Variants in NRG3 observed in about 807,000 individuals in gnomAD.
NRG3 encodes neuregulin 3.
Under a neutral mutation model 66.9 loss-of-function variants are expected in NRG3, and 31 were observed. The observed-to-expected ratio is 0.46, with a 90% CI of 0.35 to 0.63. The LOEUF (loss-of-function observed/expected upper bound fraction) is 0.63, where lower values mean the gene tolerates loss of function less well. Among genes scored for constraint, NRG3 ranks in the 20% least tolerant of loss-of-function variants. The pLI is 0.00. For synonymous variants in NRG3, 393 were observed against 359.4 expected (o/e 1.09, Z -1.06); for missense variants, 910 against 878.9 (o/e 1.04, Z -0.45).
chr10:82,347,094 C>T (rs1183627177), intron 1 of NRG3, among the ~76,000 whole-genome samples: 1 of 149,138 alleles, frequency 6.7e-6, no homozygotes, highest in Admixed American at 6.7e-5. Flanking sequence ...TTAGTTATTT[C>T]TTGCCTTCTG....
chr10:82,084,273 A>G (rs1044109304), intron 1 of NRG3, among the ~76,000 whole-genome samples: 7 of 152,110 alleles, frequency 4.6e-5, no homozygotes, highest in African/African-American at 1.4e-4. Context: ...GGCACATTCA[A>G]TATTTAAAAA....
At chr10:82,487,480 G>A (rs942617676) in intron 2 of NRG3, among the ~76,000 whole-genome samples, 3 of 152,090 alleles carry the variant, frequency 2.0e-5, no homozygotes, top group Non-Finnish European at 4.4e-5. Flanking sequence ...CTGAGTGGAG[G>A]TTAATATATA....
At chr10:82,132,515 T>TCA (rs2068972339) in intron 1 of NRG3, among the ~76,000 whole-genome samples, 1 of 10,758 alleles carries the variant, frequency 9.3e-5, no homozygotes, top group Non-Finnish European at 2.5e-4. Context: ...CATATATATA[T>TCA]GATATATATG....
intron 1 of NRG3, among the ~76,000 whole-genome samples, chr10:82,278,303 T>C (rs7085170): frequency 0.45 from 69,057 of 151,908 alleles, 18,888 homozygotes; most frequent in African/African-American, 0.78. Flanking sequence ...CGTGCAGATG[T>C]GCTTCTGACT....
chr10:82,325,158 A>G (rs75230721), intron 1 of NRG3, among the ~76,000 whole-genome samples: 2,718 of 151,630 alleles, frequency 0.018, 83 homozygotes, highest in African/African-American at 0.061. Flanking sequence ...ATCATTATGT[A>G]GTATCATTAC....
rs367993461 is a variant in NRG3, at chr10:82,132,505, CAT to C, written c.824-226225_824-226224del. Among the ~76,000 whole-genome samples the C allele has an allele frequency of 1.2e-4, 7 of 60,328 alleles. 1 individual carries two copies. Among genetic ancestry groups the C allele is most frequent in the African/African-American group, 2.9e-4 (6 of 20,878 alleles). 39.6% of individuals were successfully genotyped at this position (60,328 alleles called of 152,430 possible). A position where few individuals can be genotyped will look rare whatever the true frequency, so the allele number is the denominator to read the frequency against. On this transcript the variant is annotated intron_variant, in intron 1 of 8. Coordinates refer to ENST00000372141, the MANE Select transcript of NRG3 (RefSeq NM_001010848.4). The stretch of plus-strand genomic sequence containing the variant: ...ATATATATATATGATATATATATAT[CAT>C]ATATATATGATATATATGATATATA...
chr10:82,869,023 G>A (rs1436159864), intron 4 of NRG3, among the ~76,000 whole-genome samples: 1 of 152,050 alleles, frequency 6.6e-6, no homozygotes, highest in Non-Finnish European at 1.5e-5. Flanking sequence ...AATCCATATG[G>A]GTAAAATTCC....
intron 2 of NRG3, among the ~76,000 whole-genome samples, chr10:82,582,190 G>C (rs1019464728): frequency 6.6e-6 from 1 of 152,016 alleles, no homozygotes; most frequent in African/African-American, 2.4e-5. Context: ...CTACGAACAG[G>C]GTGGATTCTT....
intron 3 of NRG3, among the ~76,000 whole-genome samples, chr10:82,747,866 A>G (rs576371721): frequency 1.3e-5 from 2 of 152,016 alleles, no homozygotes; most frequent in Non-Finnish European, 2.9e-5. Context: ...GGCTAATGCT[A>G]TCCTTAGCCT....
At chr10:82,151,136 A>T (rs566889581) in intron 1 of NRG3, among the ~76,000 whole-genome samples, 1 of 152,190 alleles carries the variant, frequency 6.6e-6, no homozygotes, top group Non-Finnish European at 1.5e-5. Context: ...CCAGAGAGGG[A>T]TATAAAGGAA....
intron 2 of NRG3, among the ~76,000 whole-genome samples, chr10:82,544,792 T>A (rs922845411): frequency 6.6e-6 from 1 of 152,196 alleles, no homozygotes; most frequent in African/African-American, 2.4e-5. Flanking sequence ...TATTGATAGC[T>A]CCTAAACAAT....
chr10:82,532,013 A>C (rs1847318351), intron 2 of NRG3, among the ~76,000 whole-genome samples: 1 of 151,804 alleles, frequency 6.6e-6, no homozygotes, highest in Non-Finnish European at 1.5e-5. Context: ...TTTTTTATGA[A>C]TATATAACAT....
chr10:81,901,767 C>T (rs1157838551), intron 1 of NRG3, among the ~76,000 whole-genome samples: 1 of 152,098 alleles, frequency 6.6e-6, no homozygotes, highest in African/African-American at 2.4e-5. Flanking sequence ...TAAACAGAAT[C>T]CTTGAGAAAC....
At chr10:82,230,585 T>A (rs1006596217) in intron 1 of NRG3, among the ~76,000 whole-genome samples, 5 of 151,614 alleles carry the variant, frequency 3.3e-5, no homozygotes, top group Admixed American at 1.3e-4. Context: ...CAGATTCCTT[T>A]AAAAATATTC....
At chr10:82,920,832 T>C (rs1484864166) in intron 4 of NRG3, among the ~76,000 whole-genome samples, 1 of 152,160 alleles carries the variant, frequency 6.6e-6, no homozygotes, top group Non-Finnish European at 1.5e-5. Flanking sequence ...GATTGGACTG[T>C]AACCCAGTGT....
chr10:82,109,423 T>C (rs2067245082), intron 1 of NRG3, among the ~76,000 whole-genome samples: 1 of 152,210 alleles, frequency 6.6e-6, no homozygotes, highest in Admixed American at 6.5e-5. Flanking sequence ...TCCTATTTTA[T>C]CTTTCCAGTG....
At chr10:81,968,069 T>C (rs1200918596) in intron 1 of NRG3, among the ~76,000 whole-genome samples, 1 of 152,226 alleles carries the variant, frequency 6.6e-6, no homozygotes, top group Non-Finnish European at 1.5e-5. Context: ...AGTAGTTTTC[T>C]CATTTTGATT....
intron 3 of NRG3, among the ~76,000 whole-genome samples, chr10:82,820,141 A>T (rs926009947): frequency 2.6e-5 from 4 of 152,194 alleles, no homozygotes; most frequent in African/African-American, 9.6e-5. Context: ...GAGTGGAGTG[A>T]TTCTTCCTTA....
chr10:82,518,323 A>G (rs1845886557), intron 2 of NRG3, among the ~76,000 whole-genome samples: 1 of 152,210 alleles, frequency 6.6e-6, no homozygotes, highest in Non-Finnish European at 1.5e-5. Context: ...CCTTTGCCTA[A>G]TGAATCATTT....
Sources: allele counts gnomAD v4.1 joint callset (sites outside exome capture counted in the v4.1 genomes callset), GRCh38; gene constraint gnomAD v4.1.1; transcripts MANE v1.5; gene names NCBI Gene and HGNC (gene_info 2026-07-23, HGNC 2026-07-21).